Variants in CNTNAP2 observed in about 807,000 individuals in gnomAD.
CNTNAP2 encodes contactin associated protein 2.
In CNTNAP2, 98 loss-of-function variants were observed where a neutral mutation model predicts 155.2. That is an observed-to-expected ratio of 0.63 (90% CI 0.54 to 0.75). The LOEUF is 0.75. Among genes scored for constraint, CNTNAP2 ranks in the 30% least tolerant of loss-of-function variants. The pLI is 0.00. For synonymous variants in CNTNAP2, 651 were observed against 631.2 expected (o/e 1.03, Z -0.47); for missense variants, 1,727 against 1,688.1 (o/e 1.02, Z -0.40).
At position 147,801,973 on chromosome 7, in the gene CNTNAP2, C is replaced by CCCGGACGGGGTGGCTG. The variant is rs1798000355; in HGVS notation, c.2099-101587_2099-101572dup. ...GGGGGGCTGACACCCCCACCTCCCT[C>CCCGGACGGGGTGGCTG]CCGGACGGGGTGGCTGCCGGGCGGA... is the stretch of plus-strand genomic sequence containing the variant. On this transcript the variant is annotated intron_variant, in intron 13 of 23. Coordinates refer to ENST00000361727, the MANE Select transcript of CNTNAP2 (RefSeq NM_014141.6). Among the ~76,000 whole-genome samples the CCCGGACGGGGTGGCTG allele has an allele frequency of 2.4e-4, 36 of 150,964 alleles. No homozygotes were observed. In the South Asian group the frequency reaches 6.5e-3, roughly 27 times the overall value.
At chr7:146,196,684 A>G (rs1246702383) in intron 1 of CNTNAP2, among the ~76,000 whole-genome samples, 1 of 152,190 alleles carries the variant, frequency 6.6e-6, no homozygotes, top group East Asian at 1.9e-4. Context: ...TGGCATGTAT[A>G]GAAAACTATA....
intron 1 of CNTNAP2, among the ~76,000 whole-genome samples, chr7:146,588,902 T>A (rs1214130878): frequency 2.0e-5 from 3 of 152,132 alleles, no homozygotes; most frequent in African/African-American, 7.2e-5. Context: ...ATATTTTAGC[T>A]GCTGTCTATA....
chr7:148,001,989 A>G (rs532346170), intron 15 of CNTNAP2, among the ~76,000 whole-genome samples: 8 of 152,360 alleles, frequency 5.3e-5, no homozygotes, highest in Admixed American at 3.9e-4. Flanking sequence ...TTTATTAAAC[A>G]TAAGTCATTT....
intron 8 of CNTNAP2, among the ~76,000 whole-genome samples, chr7:147,262,427 C>T (rs966536263): frequency 1.3e-5 from 2 of 152,122 alleles, no homozygotes; most frequent in South Asian, 2.1e-4. Context: ...AGGGTTGTTA[C>T]GGTGTTCTCT....
At chr7:146,657,147 G>T (rs555964109) in intron 1 of CNTNAP2, among the ~76,000 whole-genome samples, 1 of 152,176 alleles carries the variant, frequency 6.6e-6, no homozygotes, top group Admixed American at 6.6e-5. Context: ...CACATATTAA[G>T]ATCTCATTTA....
chr7:148,376,296 T>G (rs1236299164), intron 21 of CNTNAP2, among the ~76,000 whole-genome samples: 1 of 65,978 alleles, frequency 1.5e-5, no homozygotes, highest in African/African-American at 3.7e-5. Flanking sequence ...GGGGATAGGA[T>G]TGCTTGAAGC....
At chr7:147,368,096 TCACACA>T (rs5888250) in intron 9 of CNTNAP2, among the ~76,000 whole-genome samples, 4,847 of 117,068 alleles carry the variant, frequency 0.041, 119 homozygotes, top group Middle Eastern at 0.1. Flanking sequence ...TCTCTCTCTG[TCACACA>T]CACACACACA....
intron 1 of CNTNAP2, among the ~76,000 whole-genome samples, chr7:146,382,793 G>T (rs1048710378): frequency 6.6e-6 from 1 of 151,944 alleles, no homozygotes. Context: ...CTTTTAGAAC[G>T]GTGCTGCCAT....
At chr7:146,182,092 A>G (rs1404825798) in intron 1 of CNTNAP2, among the ~76,000 whole-genome samples, 1 of 152,020 alleles carries the variant, frequency 6.6e-6, no homozygotes, top group Non-Finnish European at 1.5e-5. Context: ...TAATGTAGAA[A>G]CAATACTTTA....
At chr7:147,809,966 C>A (rs1335012912) in intron 13 of CNTNAP2, among the ~76,000 whole-genome samples, 1 of 152,088 alleles carries the variant, frequency 6.6e-6, no homozygotes, top group Admixed American at 6.6e-5. Flanking sequence ...TGGAAACTGC[C>A]AGCTTTGTTT....
Position 146,996,598 on chromosome 7 carries a change from G to A in CNTNAP2, c.403-47309G>A, listed in dbSNP as rs371327663. ...TTTAATAAATGTGTTTGTTAGTTCC[G>A]ACAACTTTTGGTGGAGTCTTTAGAG... On this transcript the variant is annotated intron_variant, in intron 3 of 23. Coordinates refer to ENST00000361727, the MANE Select transcript of CNTNAP2 (RefSeq NM_014141.6). Among the ~76,000 whole-genome samples the A allele has an allele frequency of 4.8e-4, 73 of 152,034 alleles. 1 individual carries two copies. In the South Asian group the frequency reaches 0.013, roughly 28 times the overall value.
intron 4 of CNTNAP2, among the ~76,000 whole-genome samples, chr7:147,069,279 G>C (rs866513268): frequency 6.6e-6 from 1 of 152,270 alleles, no homozygotes; most frequent in South Asian, 2.1e-4. Flanking sequence ...TCCTGGTTCT[G>C]TTTCTTCAGT....
chr7:146,238,264 T>C (rs1455233790), intron 1 of CNTNAP2, among the ~76,000 whole-genome samples: 1 of 152,188 alleles, frequency 6.6e-6, no homozygotes, highest in Non-Finnish European at 1.5e-5. Context: ...GAACGAATGG[T>C]TGTTGCTCAA....
chr7:147,059,433 A>AT (rs11365544), intron 4 of CNTNAP2, among the ~76,000 whole-genome samples: 8 of 140,184 alleles, frequency 5.7e-5, no homozygotes, highest in African/African-American at 1.3e-4. Flanking sequence ...GATAATTCTG[A>AT]TTTTTTTTTT....
In CNTNAP2 at chr7:148,061,994, GATAGATAGATAGATGAT is replaced by G. The variant is rs1563185548; in HGVS notation, c.2384-56122_2384-56106del. ...AGATAGATAGATAGATAGATAGATA[GATAGATAGATAGATGAT>G]AGAGAGAGAGAGAGAGAGTGTGTGT... On this transcript the variant is annotated intron_variant, in intron 15 of 23. Coordinates refer to ENST00000361727, the MANE Select transcript of CNTNAP2 (RefSeq NM_014141.6). Among the ~76,000 whole-genome samples, 465 of 126,896 alleles carry G rather than the reference GATAGATAGATAGATGAT, an allele frequency of 3.7e-3. 11 individuals are homozygous for G. The highest frequency in any genetic ancestry group is 0.017 in the African/African-American group (432 of 25,584). 83.2% of individuals were successfully genotyped at this position (126,896 alleles called of 152,430 possible).
intron 1 of CNTNAP2, among the ~76,000 whole-genome samples, chr7:146,699,018 C>T (rs1311134490): frequency 1.3e-5 from 2 of 151,800 alleles, no homozygotes; most frequent in African/African-American, 4.8e-5. Context: ...CCTATGTATT[C>T]TTTCATGTTG....
At chr7:147,070,324 A>T (rs1445828673) in intron 4 of CNTNAP2, among the ~76,000 whole-genome samples, 1 of 152,238 alleles carries the variant, frequency 6.6e-6, no homozygotes, top group African/African-American at 2.4e-5. Flanking sequence ...ATAAATGCAG[A>T]GGCAGAAAAA....
intron 3 of CNTNAP2, among the ~76,000 whole-genome samples, chr7:146,866,887 CAT>C (rs1201596578): frequency 6.6e-6 from 1 of 152,048 alleles, no homozygotes; most frequent in African/African-American, 2.4e-5. Flanking sequence ...ACGGTAGAAA[CAT>C]AACTTCGATA....
At chr7:148,050,976 G>T (rs560214657) in intron 15 of CNTNAP2, among the ~76,000 whole-genome samples, 4 of 152,274 alleles carry the variant, frequency 2.6e-5, no homozygotes, top group South Asian at 4.1e-4. Flanking sequence ...TGTGATGTTT[G>T]CATGACAACA....
Sources: allele counts gnomAD v4.1 joint callset (sites outside exome capture counted in the v4.1 genomes callset), GRCh38; gene constraint gnomAD v4.1.1; transcripts MANE v1.5; gene names NCBI Gene and HGNC (gene_info 2026-07-23, HGNC 2026-07-21).